Variants in SLIT1 observed in about 807,000 individuals in gnomAD.
The protein encoded by SLIT1 is slit homolog 1 protein.
A neutral mutation model predicts 186.1 loss-of-function variants in SLIT1; 66 were observed. That is an observed-to-expected ratio of 0.35 (90% CI 0.29 to 0.44). The LOEUF is 0.44. Among genes scored for constraint, SLIT1 ranks in the 20% least tolerant of loss-of-function variants. SLIT1 has a pLI of 1.00. For missense variants in SLIT1, 1,638 were observed against 2,037.4 expected (o/e 0.80, Z 3.77); for synonymous variants, 761 against 833.8 (o/e 0.91, Z 1.50).
At chr10:97,032,956 A>G (rs1033716917) in intron 23 of SLIT1, among the ~76,000 whole-genome samples, 3 of 152,140 alleles carry the variant, frequency 2.0e-5, no homozygotes, top group Non-Finnish European at 4.4e-5. Flanking sequence ...ACTAACCTAC[A>G]GTGACAGAAA....
chr10:97,042,748 C>T (rs565548899), intron 20 of SLIT1, among the ~76,000 whole-genome samples, 153 bp downstream of exon 20: 1 of 152,310 alleles, frequency 6.6e-6, no homozygotes, highest in East Asian at 1.9e-4. Context: ...CGCGTCTCCT[C>T]CTGAAAACAG....
chr10:97,097,252 T>C (rs1375320030), intron 4 of SLIT1, among the ~76,000 whole-genome samples: 4 of 152,246 alleles, frequency 2.6e-5, no homozygotes, highest in Non-Finnish European at 4.4e-5. Context: ...AGTGCCTTGA[T>C]GCTTTGCTGT....
intron 30 of SLIT1, 32 bp downstream of exon 30, chr10:97,013,709 C>T (rs1248728914): frequency 1.1e-5 from 17 of 1,484,584 alleles, no homozygotes; most frequent in Non-Finnish European, 1.6e-5. Flanking sequence ...GGCCTGAGCT[C>T]CTCCCTGGCC....
At chr10:97,171,155 T>C (rs1357058416) in intron 1 of SLIT1, among the ~76,000 whole-genome samples, 1 of 152,192 alleles carries the variant, frequency 6.6e-6, no homozygotes, top group Non-Finnish European at 1.5e-5. Context: ...AATCTTACCC[T>C]GGCCAAGGCT....
At chr10:97,063,678 G>C in intron 7 of SLIT1, 60 bp from the exon 8 acceptor site, 1 of 1,506,080 alleles carries the variant, frequency 6.6e-7, no homozygotes, top group Non-Finnish European at 8.9e-7. Flanking sequence ...CCTGATTGTG[G>C]GAACCCCAAT....
chr10:97,135,384 C>G (rs1446867208), intron 4 of SLIT1, among the ~76,000 whole-genome samples: 1 of 152,198 alleles, frequency 6.6e-6, no homozygotes, highest in Non-Finnish European at 1.5e-5. Flanking sequence ...GTTCTACCCT[C>G]CTCCCTAGAA....
intron 35 of SLIT1, 133 bp downstream of exon 35, chr10:97,002,571 G>T: frequency 1.1e-6 from 1 of 898,636 alleles, no homozygotes; most frequent in Non-Finnish European, 1.6e-6. Flanking sequence ...AAAAGTGAAA[G>T]CCAGATAAAA....
At chr10:97,029,287 T>C (rs1848571359) in intron 25 of SLIT1, among the ~76,000 whole-genome samples, 1 of 152,178 alleles carries the variant, frequency 6.6e-6, no homozygotes, top group Non-Finnish European at 1.5e-5. Context: ...GTTTAAAATG[T>C]AGAAAAGGTG....
At chr10:97,166,517 C>A (rs1291268455) in intron 1 of SLIT1, among the ~76,000 whole-genome samples, 2 of 94,732 alleles carry the variant, frequency 2.1e-5, no homozygotes, top group Admixed American at 1.1e-4. Flanking sequence ...ACTCTGTCTC[C>A]AAAAAAAAAG....
chr10:97,134,853 GC>G (rs1398404754), intron 4 of SLIT1, among the ~76,000 whole-genome samples: 4 of 152,274 alleles, frequency 2.6e-5, no homozygotes, highest in African/African-American at 9.6e-5. Context: ...CATCAGGCAG[GC>G]CCTTGGATGA....
Position 97,043,882 on chromosome 10 carries a change from T to G in SLIT1, c.1854-369A>C, listed in dbSNP as rs1848713324. 6.6e-6 allele frequency among the ~76,000 whole-genome samples: 1 copy of G among 152,116 alleles called. No homozygotes were observed. Among genetic ancestry groups the G allele is most frequent in the Admixed American group, 6.5e-5 (1 of 15,278 alleles). On this transcript the variant is annotated intron_variant, in intron 18 of 36. Transcript: ENST00000266058. This position sits in a 1 kb window ranked among gnomAD's most constrained non-coding sequence, Gnocchi z 7.0. ...TGAAACCTAATCCATCATGTCACTCTCCAGCTTAAAGTCCACTAACAGCCT... is the reference window on the plus strand; with the variant it reads ...TGAAACCTAATCCATCATGTCACTCGCCAGCTTAAAGTCCACTAACAGCCT...
chr10:97,160,631 A>C (rs1293018921), intron 3 of SLIT1, among the ~76,000 whole-genome samples: 2 of 152,340 alleles, frequency 1.3e-5, no homozygotes, highest in Non-Finnish European at 2.9e-5. Context: ...TGGCCAAAAA[A>C]AAGAGGAGGG....
At chr10:97,027,045 T>C (rs911968571) in intron 25 of SLIT1, among the ~76,000 whole-genome samples, 3 of 152,078 alleles carry the variant, frequency 2.0e-5, no homozygotes, top group African/African-American at 4.8e-5. Context: ...ACACTGCGAG[T>C]GGACAGGAGA....
chr10:97,020,124 C>T (rs944832427), intron 26 of SLIT1, among the ~76,000 whole-genome samples: 1 of 151,986 alleles, frequency 6.6e-6, no homozygotes, highest in African/African-American at 2.4e-5. Context: ...GCACACACCA[C>T]CATGCCCAGC....
chr10:97,032,544 G>A (rs1398585863), intron 23 of SLIT1, among the ~76,000 whole-genome samples: 1 of 151,562 alleles, frequency 6.6e-6, no homozygotes, highest in Non-Finnish European at 1.5e-5. Context: ...ACTCCAGCCT[G>A]GGCGACAGAG....
At chr10:97,085,407 A>G (rs1270362004) in intron 4 of SLIT1, among the ~76,000 whole-genome samples, 1 of 149,834 alleles carries the variant, frequency 6.7e-6, no homozygotes, top group Non-Finnish European at 1.5e-5. Context: ...TTTGTTTTTG[A>G]GATGGAGTCT....
At chr10:97,073,688 C>G (rs1350487875) in intron 4 of SLIT1, among the ~76,000 whole-genome samples, 1 of 152,124 alleles carries the variant, frequency 6.6e-6, no homozygotes, top group Admixed American at 6.5e-5. Flanking sequence ...ACGGAGAGGC[C>G]AGGGTGCTGA....
At chr10:97,168,711 G>A (rs1850150745) in intron 1 of SLIT1, among the ~76,000 whole-genome samples, 1 of 152,148 alleles carries the variant, frequency 6.6e-6, no homozygotes, top group Admixed American at 6.5e-5. Context: ...GAGCATTTGG[G>A]AGGAATACAT....
chr10:96,999,535 C>G lies in SLIT1; in HGVS notation c.*1577G>C, dbSNP rs544236330. On this transcript the variant is annotated 3_prime_UTR_variant, in exon 37 of 37. Coordinates refer to ENST00000266058, the MANE Select transcript of SLIT1 (RefSeq NM_003061.3). Reference sequence around the variant, plus strand: ...GGGAGCCAGGGCAGGGACATGCTCACCCCCGTTGCCCACCAGAACCCCCGG... The same window carrying G: ...GGGAGCCAGGGCAGGGACATGCTCAGCCCCGTTGCCCACCAGAACCCCCGG... The G allele has an allele frequency of 3.3e-5, 5 of 152,366 alleles. No homozygotes were observed. The highest frequency in any genetic ancestry group is 7.3e-5 in the Non-Finnish European group (5 of 68,148). 9.4% of individuals were successfully genotyped at this position (152,366 alleles called of 1,614,324 possible).
Sources: allele counts gnomAD v4.1 joint callset (sites outside exome capture counted in the v4.1 genomes callset), GRCh38; gene constraint gnomAD v4.1.1; non-coding constraint Gnocchi (gnomAD v3.1); transcripts MANE v1.5; gene names NCBI Gene and HGNC (gene_info 2026-07-23, HGNC 2026-07-21).